The following XKR4 variants were observed in gnomAD, a reference collection of about 807,000 sequenced individuals.
XKR4 encodes the protein XK related 4.
In XKR4, 12 loss-of-function variants were observed where a neutral mutation model predicts 53.9. The ratio of observed to expected loss-of-function variants is 0.22; its 90% CI spans 0.14 to 0.36. XKR4 has a LOEUF of 0.36. XKR4 is among the 10% of genes least tolerant of loss of function. The pLI is 1.00. For synonymous variants in XKR4, 354 were observed against 362.4 expected, an observed-to-expected ratio of 0.98 and a Z score of 0.26; for missense variants, 799 against 859.5, an observed-to-expected ratio of 0.93 and a Z score of 0.88.
intron 1 of XKR4, among the ~76,000 whole-genome samples, chr8:55,289,523 AAAAAG>A (rs1427163999): frequency 7.6e-6 from 1 of 131,534 alleles, no homozygotes; most frequent in African/African-American, 2.9e-5. Context: ...TCAAAAAAAA[AAAAAG>A]AAAAGAAAGA....
chr8:55,481,606 G>A (rs1199546036), intron 2 of XKR4, among the ~76,000 whole-genome samples: 2 of 151,838 alleles, frequency 1.3e-5, no homozygotes, highest in Non-Finnish European at 2.9e-5. Flanking sequence ...GAGTGAACAG[G>A]CAACCTACAG....
intron 1 of XKR4, among the ~76,000 whole-genome samples, chr8:55,349,584 T>G (rs1404338000): frequency 6.6e-6 from 1 of 152,156 alleles, no homozygotes; most frequent in Non-Finnish European, 1.5e-5. Flanking sequence ...TAAGCCAAAT[T>G]TGAGGATCAG....
At chr8:55,520,709 T>C (rs1479540876) in intron 2 of XKR4, among the ~76,000 whole-genome samples, 2 of 152,168 alleles carry the variant, frequency 1.3e-5, no homozygotes, top group African/African-American at 4.8e-5. Context: ...TTGTAAGATA[T>C]AGAGAGAGCA....
At chr8:55,281,801 A>G (rs1308275745) in intron 1 of XKR4, among the ~76,000 whole-genome samples, 18 of 152,356 alleles carry the variant, frequency 1.2e-4, no homozygotes, top group Non-Finnish European at 1.9e-4. Flanking sequence ...CCCATATACC[A>G]GGAAAGACTG....
intron 2 of XKR4, among the ~76,000 whole-genome samples, chr8:55,367,582 A>G (rs1463052971): frequency 2.6e-5 from 4 of 152,138 alleles, no homozygotes; most frequent in Non-Finnish European, 5.9e-5. Flanking sequence ...GGACCAATTT[A>G]TATTCCTACC....
intron 1 of XKR4, among the ~76,000 whole-genome samples, chr8:55,199,081 C>G (rs1817542116): frequency 6.6e-6 from 1 of 152,180 alleles, no homozygotes; most frequent in Non-Finnish European, 1.5e-5. Context: ...ACTTGTAGTA[C>G]TTACAGTTTG....
chr8:55,167,256 A>G (rs1022841452), intron 1 of XKR4, among the ~76,000 whole-genome samples: 1 of 152,246 alleles, frequency 6.6e-6, no homozygotes, highest in Non-Finnish European at 1.5e-5. Context: ...GTACTTGGGT[A>G]TACTAAGACT....
At chr8:55,163,460 C>G (rs1817015170) in intron 1 of XKR4, among the ~76,000 whole-genome samples, 1 of 152,202 alleles carries the variant, frequency 6.6e-6, no homozygotes, top group South Asian at 2.1e-4. Context: ...ATGTAGACTT[C>G]TAAATATTCC....
At chr8:55,148,625 G>A (rs879342575) in intron 1 of XKR4, among the ~76,000 whole-genome samples, 3 of 151,978 alleles carry the variant, frequency 2.0e-5, no homozygotes, top group Non-Finnish European at 4.4e-5. Flanking sequence ...ATTTTCCCCA[G>A]CAAACCATGT....
At chr8:55,431,350 A>T (rs749295929) in intron 2 of XKR4, among the ~76,000 whole-genome samples, 23 of 152,218 alleles carry the variant, frequency 1.5e-4, no homozygotes, top group Non-Finnish European at 2.9e-4. Context: ...GTACAACTCC[A>T]TGTATACATT....
At chr8:55,251,959 G>A (rs1227384308) in intron 1 of XKR4, among the ~76,000 whole-genome samples, 1 of 152,158 alleles carries the variant, frequency 6.6e-6, no homozygotes, top group Non-Finnish European at 1.5e-5. Flanking sequence ...GATAGCAATT[G>A]TTTCACAGCA....
chr8:55,401,013 A>G (rs751648083), intron 2 of XKR4, among the ~76,000 whole-genome samples: 1 of 152,244 alleles, frequency 6.6e-6, no homozygotes, highest in Admixed American at 6.5e-5. Flanking sequence ...TCATAGGTAC[A>G]TGCTGCTCAT....
intron 2 of XKR4, among the ~76,000 whole-genome samples, chr8:55,364,202 C>A (rs1340461916): frequency 2.6e-5 from 4 of 152,206 alleles, no homozygotes; most frequent in African/African-American, 7.2e-5. Flanking sequence ...CAGTTCCGAT[C>A]AGACAGTTCT....
intron 1 of XKR4, among the ~76,000 whole-genome samples, chr8:55,348,375 A>T (rs1178376763): frequency 1.3e-5 from 2 of 152,190 alleles, no homozygotes; most frequent in Non-Finnish European, 2.9e-5. Context: ...AGGGACAGCC[A>T]TCCCTGCCTT....
At chr8:55,164,789 TACACACACACAC>T (rs3048687) in intron 1 of XKR4, 2 of 165,798 alleles carry the variant, frequency 1.2e-5, no homozygotes, top group African/African-American at 2.4e-5. Flanking sequence ...CACACACACA[TACACACACACAC>T]ACACACACAC....
rs545153407 is a variant in XKR4, at chr8:55,181,257, G to T, written c.806+77963G>T. Among the ~76,000 whole-genome samples the T allele has an allele frequency of 1.1e-3, 166 of 152,134 alleles. 1 individual carries two copies. The highest frequency in any genetic ancestry group is 2.0e-3 in the Non-Finnish European group (133 of 67,988). On this transcript the variant is annotated intron_variant, in intron 1 of 2. Coordinates refer to ENST00000327381, the MANE Select transcript of XKR4 (RefSeq NM_052898.2). ...TTAATTGGTTGGGTCTAATATCATC[G>T]TTTCTTTCTCTGTGTGTGTCTCATT...
intron 2 of XKR4, among the ~76,000 whole-genome samples, chr8:55,401,514 G>T (rs1804601669): frequency 6.6e-6 from 1 of 152,260 alleles, no homozygotes; most frequent in South Asian, 2.1e-4. Flanking sequence ...CACAGCTGCG[G>T]CTATAGCTCC....
chr8:55,411,063 C>A (rs1933356226), intron 2 of XKR4, among the ~76,000 whole-genome samples: 1 of 152,216 alleles, frequency 6.6e-6, no homozygotes, highest in Admixed American at 6.5e-5. Flanking sequence ...CATCACATTG[C>A]CTTTACCCCT....
chr8:55,487,624 G>A (rs1806214506), intron 2 of XKR4, among the ~76,000 whole-genome samples: 1 of 152,058 alleles, frequency 6.6e-6, no homozygotes. Flanking sequence ...GCATCACCAT[G>A]CCCAGATAAC....
Sources: allele counts gnomAD v4.1 joint callset (sites outside exome capture counted in the v4.1 genomes callset), GRCh38; gene constraint gnomAD v4.1.1; transcripts MANE v1.5; gene names NCBI Gene and HGNC (gene_info 2026-07-23, HGNC 2026-07-21).